The following EYA4 variants were observed in gnomAD, a reference collection of about 807,000 sequenced individuals.
EYA4 encodes the protein protein phosphatase EYA4.
In EYA4, 31 loss-of-function variants were observed where a neutral mutation model predicts 87.9. The ratio of observed to expected loss-of-function variants is 0.35; its 90% CI spans 0.27 to 0.48. The LOEUF is 0.48. EYA4 is among the 20% of genes least tolerant of loss of function. The probability of loss-of-function intolerance (pLI) is 0.99; values close to 1 mark genes in which losing one functional copy is unlikely to be tolerated. For synonymous variants in EYA4, 263 were observed against 270.6 expected (o/e 0.97, Z 0.28); for missense variants, 678 against 761.4 (o/e 0.89, Z 1.29).
chr6:133,407,208 A>T (rs1046599306), intron 3 of EYA4, among the ~76,000 whole-genome samples: 1 of 150,830 alleles, frequency 6.6e-6, no homozygotes, highest in Non-Finnish European at 1.5e-5. Flanking sequence ...ACTTGTTATC[A>T]CATAGTTTTA....
Position 133,513,021 on chromosome 6 carries a change from A to G in EYA4, c.1484A>G (p.Tyr495Cys). 1.2e-6 allele frequency: 2 copies of G among 1,614,058 alleles called. No individual in the cohort carries two copies. The highest frequency in any genetic ancestry group is 1.7e-6 in the Non-Finnish European group (2 of 1,179,940). ...YRRVKELYNTYKNNVGGLLGP... is the reference protein window; with the variant it reads ...YRRVKELYNTCKNNVGGLLGP... Reference sequence around the variant, plus strand: ...AGAGTAAAAGAATTATATAACACCTACAAGAACAACGTTGGAGGTATGTGT... The same window carrying G: ...AGAGTAAAAGAATTATATAACACCTGCAAGAACAACGTTGGAGGTATGTGT... The change falls in exon 16 of 20, where the codon TAC (tyrosine) becomes TGC (cysteine). Residue 495 changes from tyrosine to cysteine, a missense_variant. Tyr to Cys is a radical substitution (Grantham distance 194). Transcript: ENST00000355286.
intron 9 of EYA4, 42 bp downstream of exon 9, chr6:133,462,806 C>A (rs1297606527): frequency 1.9e-6 from 3 of 1,586,014 alleles, no homozygotes; most frequent in Non-Finnish European, 2.6e-6. Context: ...AGAACTAATT[C>A]TTTGAGTGAG....
At chr6:133,326,090 G>T (rs1252910733) in intron 2 of EYA4, among the ~76,000 whole-genome samples, 1 of 152,230 alleles carries the variant, frequency 6.6e-6, no homozygotes, top group Non-Finnish European at 1.5e-5. Flanking sequence ...TTGGGAAGAT[G>T]TGTGTCACCT....
At chr6:133,424,822 A>G (rs1307218437) in intron 3 of EYA4, among the ~76,000 whole-genome samples, 3 of 150,816 alleles carry the variant, frequency 2.0e-5, no homozygotes, top group African/African-American at 5.0e-5. Context: ...GGGCGGCTAC[A>G]GTGGCATCCA....
chr6:133,266,563 A>G (rs1219326277), intron 1 of EYA4, among the ~76,000 whole-genome samples: 4 of 152,236 alleles, frequency 2.6e-5, no homozygotes, highest in Admixed American at 2.6e-4. Flanking sequence ...TCTAATTGGT[A>G]TAAATAATAA....
chr6:133,462,846 A>G lies in EYA4; in HGVS notation c.724+82A>G, dbSNP rs1583346976. 15 of 1,272,446 alleles carry G rather than the reference A, an allele frequency of 1.2e-5. No homozygotes were observed. In the East Asian group the frequency reaches 2.5e-4, roughly 22 times the overall value. The allele number at this position is 1,272,446 out of a possible 1,614,324, so 78.8% of individuals were successfully genotyped here. ...ATTGGCTTCAGACTAGGAATATCCA[A>G]TCATGAAGGTAGTTTTAAGCTTTAT... On this transcript the variant is annotated intron_variant, in intron 9 of 19. Transcript: ENST00000355286.
intron 2 of EYA4, among the ~76,000 whole-genome samples, chr6:133,366,739 T>TA (rs66491476): frequency 0.89 from 136,033 of 152,252 alleles, 61,127 homozygotes; most frequent in East Asian, 0.95. Context: ...TTTTATATTC[T>TA]ATGTAGATAA....
At chr6:133,409,082 A>T (rs1288474629) in intron 3 of EYA4, among the ~76,000 whole-genome samples, 1 of 152,176 alleles carries the variant, frequency 6.6e-6, no homozygotes, top group African/African-American at 2.4e-5. Context: ...TACATGGAAA[A>T]GTCCTGAATG....
chr6:133,442,307 C>T (rs185569606), intron 3 of EYA4, among the ~76,000 whole-genome samples: 100 of 152,082 alleles, frequency 6.6e-4, no homozygotes, highest in Non-Finnish European at 1.4e-3. Context: ...AGTGGTAGTT[C>T]TTTCCTCTGG....
chr6:133,490,322 T>C (rs1218859723), intron 13 of EYA4, among the ~76,000 whole-genome samples: 2 of 151,180 alleles, frequency 1.3e-5, no homozygotes, highest in African/African-American at 4.9e-5. Context: ...TTATCAGTAA[T>C]AACACTGAAT....
At chr6:133,522,572 AAAT>A (rs1800280576) in intron 17 of EYA4, among the ~76,000 whole-genome samples, 1 of 152,178 alleles carries the variant, frequency 6.6e-6, no homozygotes, top group South Asian at 2.1e-4. Flanking sequence ...CCAGATGGTT[AAAT>A]AATAGTTAAT....
chr6:133,428,777 C>A (rs921918499), intron 3 of EYA4, among the ~76,000 whole-genome samples: 1 of 152,072 alleles, frequency 6.6e-6, no homozygotes, highest in Non-Finnish European at 1.5e-5. Context: ...GAGGAACTTA[C>A]CCCCAAGTCT....
At chr6:133,432,477 C>T (rs1334977931) in intron 3 of EYA4, among the ~76,000 whole-genome samples, 3 of 149,510 alleles carry the variant, frequency 2.0e-5, no homozygotes, top group African/African-American at 4.9e-5. Context: ...ATCACTAAGA[C>T]GGCTGGTTGA....
chr6:133,484,586 C>A (rs868349753), intron 13 of EYA4, among the ~76,000 whole-genome samples: 2 of 152,208 alleles, frequency 1.3e-5, no homozygotes, highest in Non-Finnish European at 2.9e-5. Flanking sequence ...TTGGAGTACA[C>A]ACTCAATATC....
intron 11 of EYA4, among the ~76,000 whole-genome samples, chr6:133,476,160 G>C (rs539430157): frequency 2.9e-4 from 44 of 152,172 alleles, no homozygotes; most frequent in African/African-American, 1.1e-3. Context: ...CTATTTTTGT[G>C]TATAACCCAT....
chr6:133,448,005 T>C (rs1793025257), intron 4 of EYA4, 106 bp from the exon 5 acceptor site: 3 of 811,654 alleles, frequency 3.7e-6, no homozygotes, highest in Non-Finnish European at 6.4e-6. Context: ...ACAGTGCAGT[T>C]ATAATTTTGG....
chr6:133,299,269 A>G (rs528172671), intron 2 of EYA4, among the ~76,000 whole-genome samples: 1 of 152,354 alleles, frequency 6.6e-6, no homozygotes, highest in Admixed American at 6.5e-5. Flanking sequence ...AAAATCTTTA[A>G]TAATCATGAA....
At chr6:133,402,237 C>T (rs1302705890) in intron 3 of EYA4, among the ~76,000 whole-genome samples, 1 of 151,924 alleles carries the variant, frequency 6.6e-6, no homozygotes, top group Middle Eastern at 3.2e-3. Flanking sequence ...GTACAGCTAC[C>T]AAAGATTGCA....
intron 17 of EYA4, among the ~76,000 whole-genome samples, chr6:133,517,210 C>T (rs944575645): frequency 2.6e-5 from 4 of 152,100 alleles, no homozygotes; most frequent in African/African-American, 4.8e-5. Flanking sequence ...ACAACACACA[C>T]TGGGGCCTTC....
Sources: gnomAD v4.1 joint callset for allele counts (sites outside exome capture counted in the v4.1 genomes callset) on GRCh38, gnomAD v4.1.1 for gene constraint, MANE v1.5 for transcripts, NCBI Gene and HGNC (gene_info 2026-07-23, HGNC 2026-07-21) for gene names.